Variants in CD6 observed in about 807,000 individuals in gnomAD.
CD6 encodes CD6 molecule, also known as T-cell differentiation antigen CD6.
Under a neutral mutation model 75.3 loss-of-function variants are expected in CD6, and 53 were observed. The ratio of observed to expected loss-of-function variants is 0.70; its 90% CI spans 0.56 to 0.88. The LOEUF is 0.88. CD6 is among the 40% of genes least tolerant of loss of function. CD6 has a pLI of 0.00. For missense variants in CD6, 770 were observed against 897.1 expected, an observed-to-expected ratio of 0.86 and a Z score of 1.81; for synonymous variants, 359 against 381.5, an observed-to-expected ratio of 0.94 and a Z score of 0.69.
intron 6 of CD6, among the ~76,000 whole-genome samples, chr11:61,012,512 G>C (rs997061119): frequency 6.6e-6 from 1 of 152,134 alleles, no homozygotes; most frequent in Non-Finnish European, 1.5e-5. Context: ...GACGGGGAGA[G>C]GAGAAAATGA....
At chr11:60,974,911 A>T (rs1857311035) in intron 1 of CD6, among the ~76,000 whole-genome samples, 1 of 152,124 alleles carries the variant, frequency 6.6e-6, no homozygotes, top group Non-Finnish European at 1.5e-5. Context: ...TGACACTATG[A>T]CGCAGTAACA....
chr11:60,971,818 G>A lies in CD6; in HGVS notation c.-48G>A. 6.2e-7 allele frequency: 1 copy of A among 1,603,150 alleles called. No homozygotes were observed. Among genetic ancestry groups the A allele is most frequent in the Non-Finnish European group, 8.5e-7 (1 of 1,173,282 alleles). On this transcript the variant is annotated 5_prime_UTR_variant, in exon 1 of 13. In the 5' UTR this introduces an upstream ATG that the reference lacks. Coordinates refer to ENST00000313421, the MANE Select transcript of CD6 (RefSeq NM_006725.5). ...GTGTCCACCTCCCGGCCCCAAGATG[G>A]TGCTTCCCACAGGCAGCCACGCGTA...
At chr11:61,016,224 T>C (rs1464641585) in intron 9 of CD6, among the ~76,000 whole-genome samples, 2 of 152,212 alleles carry the variant, frequency 1.3e-5, no homozygotes, top group East Asian at 1.9e-4. Flanking sequence ...TCCTGCCCTG[T>C]CTGACCCCAT....
Position 60,971,840 on chromosome 11 carries a change from C to T in CD6, c.-26C>T, listed in dbSNP as rs769226671. On this transcript the variant is annotated 5_prime_UTR_variant, in exon 1 of 13. Coordinates refer to ENST00000313421, the MANE Select transcript of CD6 (RefSeq NM_006725.5). ...ATGGTGCTTCCCACAGGCAGCCACG[C>T]GTAGCAGCCAGAGACAGCTCCAGAC... 43 of 1,612,214 alleles carry T rather than the reference C, an allele frequency of 2.7e-5. No individual in the cohort carries two copies. The highest frequency in any genetic ancestry group is 3.3e-5 in the South Asian group (3 of 90,816).
intron 3 of CD6, chr11:61,008,270 A>C (rs955384437): frequency 4.0e-6 from 2 of 500,692 alleles, no homozygotes; most frequent in African/African-American, 1.9e-5. Context: ...TGCCAGGTTC[A>C]CAGGGTCCCT....
Position 61,015,774 on chromosome 11 carries a change from C to T in CD6, c.1449C>T (p.Asp483=), listed in dbSNP as rs774478416. The T allele has an allele frequency of 1.2e-6, 2 of 1,614,222 alleles. No homozygotes were observed. The highest frequency in any genetic ancestry group is 1.7e-6 in the Non-Finnish European group (2 of 1,180,036). Residue 483 remains aspartate, a synonymous_variant, in exon 9 of 13, where the codon GAC becomes GAT. Transcript: ENST00000313421. ...PPPEDSDSGS[D]SDYEHYDFSA... ...CTGAGGACTCAGACTCTGGCTCGGACTCAGACTATGAGCACTATGACTTCA... is the reference window on the plus strand; with the variant it reads ...CTGAGGACTCAGACTCTGGCTCGGATTCAGACTATGAGCACTATGACTTCA...
At chr11:61,015,510 G>T in intron 8 of CD6, 1 of 594,350 alleles carries the variant, frequency 1.7e-6, no homozygotes, top group Non-Finnish European at 3.0e-6. Flanking sequence ...GGTCAATGCT[G>T]CAGTGAGCTG....
chr11:60,982,225 G>C (rs968172458), intron 1 of CD6, among the ~76,000 whole-genome samples: 2 of 135,400 alleles, frequency 1.5e-5, no homozygotes, highest in African/African-American at 5.4e-5. Context: ...CCCATCTGAG[G>C]ACCTCACTTC....
intron 1 of CD6, among the ~76,000 whole-genome samples, chr11:60,998,583 A>T (rs1458672750): frequency 2.0e-5 from 3 of 152,042 alleles, no homozygotes; most frequent in Non-Finnish European, 4.4e-5. Flanking sequence ...GAGAAGAGAC[A>T]CCCTGACCTG....
chr11:61,011,051 G>A lies in CD6; in HGVS notation c.1085-19G>A. The stretch of plus-strand genomic sequence containing the variant: ...GCTCAGTAACATGCATTGAGTGACT[G>A]GGCGGTGCTTTCTGACAGCTTCCCG... On this transcript the variant is annotated intron_variant, in intron 5 of 12. Transcript: ENST00000313421. 2 of 1,613,096 alleles carry A rather than the reference G, an allele frequency of 1.2e-6. No homozygotes were observed. Among genetic ancestry groups the A allele is most frequent in the East Asian group, 2.2e-5 (1 of 44,864 alleles).
intron 1 of CD6, among the ~76,000 whole-genome samples, chr11:60,991,973 C>G (rs566605981): frequency 6.6e-6 from 1 of 151,884 alleles, no homozygotes; most frequent in African/African-American, 2.4e-5. Context: ...GCCTCAAACT[C>G]CTCGGCCCAA....
intron 1 of CD6, among the ~76,000 whole-genome samples, chr11:61,000,352 T>C (rs1277001767): frequency 6.6e-6 from 1 of 152,086 alleles, no homozygotes; most frequent in Non-Finnish European, 1.5e-5. Context: ...AGGTGACACA[T>C]GCACCTGGCT....
At chr11:61,005,760 C>T (rs1316802055) in intron 1 of CD6, among the ~76,000 whole-genome samples, 8 of 152,000 alleles carry the variant, frequency 5.3e-5, no homozygotes, top group South Asian at 2.1e-4. Flanking sequence ...GGAGAAACCC[C>T]GTCTCTACTA....
At chr11:60,991,583 G>C (rs956141557) in intron 1 of CD6, among the ~76,000 whole-genome samples, 1 of 152,046 alleles carries the variant, frequency 6.6e-6, no homozygotes, top group African/African-American at 2.4e-5. Flanking sequence ...TGCAGGTATA[G>C]TCATTGATTC....
intron 1 of CD6, among the ~76,000 whole-genome samples, chr11:60,976,117 A>C (rs927495744): frequency 1.3e-5 from 2 of 152,172 alleles, no homozygotes; most frequent in Non-Finnish European, 2.9e-5. Flanking sequence ...TGTACCCAGC[A>C]CTGGAGTGTT....
intron 5 of CD6, 123 bp downstream of exon 5, chr11:61,009,997 G>C: frequency 1.0e-6 from 1 of 955,126 alleles, no homozygotes; most frequent in Non-Finnish European, 1.5e-6. Context: ...TATGGCATAA[G>C]AAGGACTGTT....
intron 1 of CD6, among the ~76,000 whole-genome samples, chr11:60,990,050 T>C (rs989268485): frequency 6.6e-6 from 1 of 152,154 alleles, no homozygotes; most frequent in Non-Finnish European, 1.5e-5. Context: ...TAAAATTTTA[T>C]TTAGTAAAAA....
chr11:61,013,057 G>C (rs1351558165), intron 6 of CD6, among the ~76,000 whole-genome samples: 1 of 152,190 alleles, frequency 6.6e-6, no homozygotes, highest in Admixed American at 6.5e-5. Flanking sequence ...CAAGGCCTGT[G>C]ATACTGTTGT....
intron 1 of CD6, among the ~76,000 whole-genome samples, chr11:60,984,801 C>T (rs1189527491): frequency 6.6e-6 from 1 of 152,108 alleles, no homozygotes; most frequent in African/African-American, 2.4e-5. Context: ...GAGGACATTC[C>T]CGTCAGGGGG....
Sources: allele counts gnomAD v4.1 joint callset (sites outside exome capture counted in the v4.1 genomes callset), GRCh38; gene constraint gnomAD v4.1.1; transcripts MANE v1.5; gene names NCBI Gene and HGNC (gene_info 2026-07-23, HGNC 2026-07-21).